Variants in MCC observed in about 807,000 individuals in gnomAD.
The protein encoded by MCC is colorectal mutant cancer protein.
In MCC, 90 loss-of-function variants were observed where a neutral mutation model predicts 116.2. The observed-to-expected ratio is 0.77, with a 90% CI of 0.65 to 0.92. The LOEUF (loss-of-function observed/expected upper bound fraction) is 0.92, where lower values mean the gene tolerates loss of function less well. Ranked by LOEUF, MCC falls within the 40% of genes least tolerant of loss-of-function variation. The pLI, the probability that MCC is intolerant of heterozygous loss-of-function variation, is 0.00. For missense variants in MCC, 1,516 were observed against 1,312.2 expected (o/e 1.16, Z -2.40); for synonymous variants, 578 against 510.5 (o/e 1.13, Z -1.78).
intron 3 of MCC, among the ~76,000 whole-genome samples, chr5:113,187,160 C>T (rs994887153): frequency 4.6e-5 from 7 of 152,300 alleles, no homozygotes; most frequent in African/African-American, 1.7e-4. Context: ...TGCCCCATCA[C>T]TACTAGCAGT....
chr5:113,327,090 T>C (rs941064390), intron 3 of MCC, among the ~76,000 whole-genome samples: 1 of 152,118 alleles, frequency 6.6e-6, no homozygotes, highest in African/African-American at 2.4e-5. Context: ...CAAGAGTAAG[T>C]AAGCAGCGGC....
At chr5:113,093,567 G>C (rs900430324) in intron 8 of MCC, among the ~76,000 whole-genome samples, 2 of 152,096 alleles carry the variant, frequency 1.3e-5, no homozygotes, top group Non-Finnish European at 2.9e-5. Context: ...TGAGATGTTG[G>C]GGGGATTTGG....
At chr5:113,373,900 T>A (rs1019312054) in intron 2 of MCC, among the ~76,000 whole-genome samples, 3 of 140,020 alleles carry the variant, frequency 2.1e-5, no homozygotes, top group Non-Finnish European at 4.7e-5. Flanking sequence ...TGAGGTTTTT[T>A]GTTTTTGTTT....
chr5:113,355,562 T>C (rs1008300419), intron 2 of MCC, among the ~76,000 whole-genome samples: 46 of 152,260 alleles, frequency 3.0e-4, no homozygotes, highest in Admixed American at 1.2e-3. Flanking sequence ...ACATATTTTC[T>C]TGCAGTTCTG....
chr5:113,470,210 T>G (rs1333967746), intron 1 of MCC, among the ~76,000 whole-genome samples: 1 of 152,232 alleles, frequency 6.6e-6, no homozygotes, highest in East Asian at 1.9e-4. Context: ...ATGTGTGAAT[T>G]TGATCCTGTC....
rs1307717621 is a variant in MCC, at chr5:113,290,700, A to C, written c.627+49819T>G. Among the ~76,000 whole-genome samples the C allele has an allele frequency of 2.0e-5, 3 of 152,330 alleles. No homozygotes were observed. The East Asian group carries it at 5.8e-4, about 29-fold the overall frequency. On this transcript the variant is annotated intron_variant, in intron 3 of 18. Coordinates refer to ENST00000408903, the MANE Select transcript of MCC (RefSeq NM_001085377.2). ...TGCTGATCTAAAAGTCACGACCACG[A>C]AGAATATGCCAGAGCTGTCCCTTGG...
intron 3 of MCC, among the ~76,000 whole-genome samples, chr5:113,285,376 TAAGA>T (rs1766211731): frequency 8.5e-6 from 1 of 118,248 alleles, no homozygotes; most frequent in Admixed American, 1.1e-4. Flanking sequence ...ATGAAAAGAA[TAAGA>T]AAGTAAAACA....
chr5:113,283,648 T>C (rs753897601), intron 3 of MCC, among the ~76,000 whole-genome samples: 2 of 152,204 alleles, frequency 1.3e-5, no homozygotes, highest in Non-Finnish European at 2.9e-5. Flanking sequence ...AGTAAGCTCA[T>C]CTCATTATTC....
intron 15 of MCC, among the ~76,000 whole-genome samples, chr5:113,050,131 T>C (rs1203336686): frequency 6.6e-6 from 1 of 152,198 alleles, no homozygotes; most frequent in African/African-American, 2.4e-5. Flanking sequence ...CTATCTCCAT[T>C]GACAGATGGG....
In MCC at chr5:113,022,702, A is replaced by C. The variant is rs1466166774; in HGVS notation, c.*4600T>G. ...GTGCAAAAGGGAATGGTAGAACCAGAATTACTAAGTACGGCATCAGTGTGA... is the reference window on the plus strand; with the variant it reads ...GTGCAAAAGGGAATGGTAGAACCAGCATTACTAAGTACGGCATCAGTGTGA... On this transcript the variant is annotated 3_prime_UTR_variant, in exon 19 of 19. Coordinates refer to ENST00000408903, the MANE Select transcript of MCC (RefSeq NM_001085377.2). 6.6e-6 allele frequency: 1 copy of C among 152,244 alleles called. No homozygotes were observed. The highest frequency in any genetic ancestry group is 1.5e-5 in the Non-Finnish European group (1 of 68,036). 9.4% of individuals were successfully genotyped at this position (152,244 alleles called of 1,614,324 possible).
chr5:113,308,042 G>A (rs1767033516), intron 3 of MCC, among the ~76,000 whole-genome samples: 1 of 150,768 alleles, frequency 6.6e-6, no homozygotes, highest in Non-Finnish European at 1.5e-5. Flanking sequence ...GCACGATCAT[G>A]GCCCACTGCA....
At chr5:113,178,276 G>C (rs920940321) in intron 3 of MCC, among the ~76,000 whole-genome samples, 19 of 152,176 alleles carry the variant, frequency 1.2e-4, no homozygotes, top group African/African-American at 3.6e-4. Context: ...AGTGGCGAGT[G>C]GACCATCTCA....
At chr5:113,424,413 G>T (rs1770429653) in intron 1 of MCC, among the ~76,000 whole-genome samples, 1 of 152,040 alleles carries the variant, frequency 6.6e-6, no homozygotes, top group African/African-American at 2.4e-5. Flanking sequence ...ACAATAATAA[G>T]TTTTAAAAAA....
At chr5:113,175,692 TG>T (rs1420227851) in intron 3 of MCC, among the ~76,000 whole-genome samples, 1 of 152,154 alleles carries the variant, frequency 6.6e-6, no homozygotes, top group East Asian at 1.9e-4. Context: ...ATTGTTTTGG[TG>T]TACCCCCAGG....
At chr5:113,123,853 GA>G (rs1182101942) in intron 5 of MCC, among the ~76,000 whole-genome samples, 5 of 152,188 alleles carry the variant, frequency 3.3e-5, no homozygotes, top group African/African-American at 9.7e-5. Flanking sequence ...AGAAAGCTAG[GA>G]ATCAGAGAAA....
intron 1 of MCC, among the ~76,000 whole-genome samples, chr5:113,411,963 G>A (rs2150403113): frequency 6.6e-6 from 1 of 152,286 alleles, no homozygotes; most frequent in African/African-American, 2.4e-5. Flanking sequence ...GTGTAAGGAA[G>A]GGATCCAGTT....
At chr5:113,339,886 A>G (rs537187206) in intron 3 of MCC, among the ~76,000 whole-genome samples, 2 of 152,374 alleles carry the variant, frequency 1.3e-5, no homozygotes, top group East Asian at 1.9e-4. Context: ...CAGTGGCTGC[A>G]TAGCAATCTC....
chr5:113,178,205 C>T (rs1761435714), intron 3 of MCC, among the ~76,000 whole-genome samples: 1 of 152,182 alleles, frequency 6.6e-6, no homozygotes. Context: ...TCACTCTTGT[C>T]ACTTAGACAG....
intron 3 of MCC, among the ~76,000 whole-genome samples, chr5:113,200,876 C>T (rs1303985938): frequency 3.9e-5 from 6 of 152,134 alleles, no homozygotes; most frequent in African/African-American, 2.4e-5. Context: ...GAAGGGATTT[C>T]GTTAGGCAAA....
Sources: allele counts gnomAD v4.1 joint callset (sites outside exome capture counted in the v4.1 genomes callset), GRCh38; gene constraint gnomAD v4.1.1; transcripts MANE v1.5; gene names NCBI Gene and HGNC (gene_info 2026-07-23, HGNC 2026-07-21).